Variants in EML6 observed in about 807,000 individuals in gnomAD.
The protein encoded by EML6 is echinoderm microtubule-associated protein-like 6.
In EML6, 154 loss-of-function variants were observed where a neutral mutation model predicts 240.1. That is an observed-to-expected ratio of 0.64 (90% CI 0.56 to 0.73). EML6 has a LOEUF of 0.73. Among genes scored for constraint, EML6 ranks in the 30% least tolerant of loss-of-function variants. EML6 has a pLI of 0.00. For missense variants in EML6, 2,964 were observed against 2,474.6 expected, an observed-to-expected ratio of 1.20 and a Z score of -4.20; for synonymous variants, 1,148 against 899.0, an observed-to-expected ratio of 1.28 and a Z score of -4.95.
At chr2:54,895,910 C>A (rs1277221831) in intron 21 of EML6, among the ~76,000 whole-genome samples, 3 of 152,124 alleles carry the variant, frequency 2.0e-5, no homozygotes, top group South Asian at 4.1e-4. Flanking sequence ...AAAATAGATA[C>A]TACAATTTTA....
chr2:54,780,646 T>G (rs981677518), intron 2 of EML6, among the ~76,000 whole-genome samples: 3 of 152,230 alleles, frequency 2.0e-5, no homozygotes, highest in African/African-American at 7.2e-5. Context: ...AATAATAATT[T>G]TGATTCCTTA....
At position 54,947,384 on chromosome 2, in the gene EML6, C is replaced by T. The variant is rs576092764; in HGVS notation, c.4005-1498C>T. 3.9e-3 allele frequency among the ~76,000 whole-genome samples: 592 copies of T among 152,214 alleles called. 5 individuals carry two copies. The highest frequency in any genetic ancestry group is 5.6e-3 in the Non-Finnish European group (383 of 67,998). On this transcript the variant is annotated intron_variant, in intron 28 of 41. Transcript: ENST00000356458. ...GTTTTGCAGAGATGTGCTGTCTACC[C>T]ATTCTTCAGTGGTGATTATAATACC...
rs1266500052 is a variant in EML6 at position 54,844,137 on chromosome 2, G to C, written c.938G>C (p.Arg313Pro). Reference protein sequence around the residue: ...SEIFEVIVRERDKPMLILQGH... With the variant: ...SEIFEVIVREPDKPMLILQGH... ...ATATTTGAAGTGATTGTGCGAGAGCGAGACAAGCCGATGTTGATCCTACAG... is the reference window on the plus strand; with the variant it reads ...ATATTTGAAGTGATTGTGCGAGAGCCAGACAAGCCGATGTTGATCCTACAG... The change falls in exon 8 of 42, where the codon CGA becomes CCA. Residue 313 changes from arginine to proline, a missense_variant. Transcript: ENST00000356458. 3 of 1,551,706 alleles carry C rather than the reference G, an allele frequency of 1.9e-6. No individual in the cohort carries two copies. The South Asian group carries it at 3.6e-5, about 18-fold the overall frequency.
chr2:54,841,524 G>A (rs558090604), intron 7 of EML6, among the ~76,000 whole-genome samples: 6 of 151,300 alleles, frequency 4.0e-5, no homozygotes, highest in South Asian at 2.1e-4. Context: ...TAGGATGTCC[G>A]CGTACCCCAA....
intron 26 of EML6, among the ~76,000 whole-genome samples, chr2:54,919,288 G>C (rs1674100903): frequency 7.2e-6 from 1 of 138,438 alleles, no homozygotes; most frequent in Admixed American, 7.7e-5. Flanking sequence ...TTTGTCTTTA[G>C]CATTCCAGAA....
chr2:54,848,526 C>CACACACACACACAG (rs1306694218), intron 9 of EML6, among the ~76,000 whole-genome samples: 1 of 142,338 alleles, frequency 7.0e-6, no homozygotes, highest in Non-Finnish European at 1.5e-5. Context: ...TTCCACACTA[C>CACACACACACACAG]ACACACACAC....
chr2:54,879,860 C>T (rs577492702), intron 17 of EML6: 63 of 545,924 alleles, frequency 1.2e-4, no homozygotes, highest in African/African-American at 8.9e-4. Flanking sequence ...CCGAAATCCT[C>T]TGCAGAGAGT....
chr2:54,828,201 T>G (rs545497224), intron 6 of EML6, among the ~76,000 whole-genome samples: 1 of 152,286 alleles, frequency 6.6e-6, no homozygotes, highest in Admixed American at 6.5e-5. Flanking sequence ...TAAGATAGAT[T>G]TTCCTCATTC....
intron 25 of EML6, among the ~76,000 whole-genome samples, chr2:54,915,352 C>G (rs373021490): frequency 6.6e-6 from 1 of 152,070 alleles, no homozygotes. Context: ...CTAGGAGAGT[C>G]TTAGAGATGG....
intron 2 of EML6, among the ~76,000 whole-genome samples, chr2:54,783,106 T>C (rs1370918686): frequency 6.6e-6 from 1 of 152,224 alleles, no homozygotes; most frequent in Non-Finnish European, 1.5e-5. Flanking sequence ...TTATAGTCGA[T>C]CAGTAAATAA....
chr2:54,753,383 A>T (rs1468269492), intron 2 of EML6, among the ~76,000 whole-genome samples: 1 of 152,234 alleles, frequency 6.6e-6, no homozygotes, highest in African/African-American at 2.4e-5. Context: ...CAATGTAATT[A>T]AGTTAAGGAT....
chr2:54,804,643 T>A (rs931801573), intron 2 of EML6, among the ~76,000 whole-genome samples: 1 of 152,242 alleles, frequency 6.6e-6, no homozygotes, highest in African/African-American at 2.4e-5. Flanking sequence ...AGGATCACTT[T>A]TGTTTTAATC....
At chr2:54,874,299 A>C (rs747342205) in intron 16 of EML6, among the ~76,000 whole-genome samples, 1 of 152,226 alleles carries the variant, frequency 6.6e-6, no homozygotes, top group African/African-American at 2.4e-5. Context: ...CCTTTTTCCC[A>C]TAAGGCAGCC....
At chr2:54,729,752 C>T (rs1039658711) in intron 2 of EML6, among the ~76,000 whole-genome samples, 1 of 152,206 alleles carries the variant, frequency 6.6e-6, no homozygotes, top group Non-Finnish European at 1.5e-5. Flanking sequence ...TTGTAACTTG[C>T]TTATCCTCTG....
chr2:54,890,766 T>G (rs1672423849), intron 17 of EML6, among the ~76,000 whole-genome samples: 1 of 152,208 alleles, frequency 6.6e-6, no homozygotes, highest in South Asian at 2.1e-4. Context: ...TGGCATTAAT[T>G]TTATCTTATG....
intron 2 of EML6, among the ~76,000 whole-genome samples, chr2:54,789,802 C>G (rs1669328918): frequency 6.6e-6 from 1 of 152,142 alleles, no homozygotes; most frequent in African/African-American, 2.4e-5. Flanking sequence ...GAATTTGAAT[C>G]CAGAGTTAAC....
intron 2 of EML6, among the ~76,000 whole-genome samples, chr2:54,731,065 G>A (rs973861450): frequency 1.6e-4 from 25 of 152,200 alleles, no homozygotes; most frequent in African/African-American, 6.0e-4. Flanking sequence ...TAGGGAGATG[G>A]CATTTAAGCA....
chr2:54,873,274 A>C (rs1671347893), intron 16 of EML6, among the ~76,000 whole-genome samples: 1 of 152,222 alleles, frequency 6.6e-6, no homozygotes, highest in African/African-American at 2.4e-5. Flanking sequence ...CATTATTAGA[A>C]GTTATTCAGT....
chr2:54,826,651 T>C (rs893452704), intron 5 of EML6, among the ~76,000 whole-genome samples: 5 of 152,284 alleles, frequency 3.3e-5, no homozygotes, highest in African/African-American at 1.2e-4. Flanking sequence ...TGTGTCTGTT[T>C]AACCATAGGA....
Sources: allele counts gnomAD v4.1 joint callset (sites outside exome capture counted in the v4.1 genomes callset), GRCh38; gene constraint gnomAD v4.1.1; transcripts MANE v1.5; gene names NCBI Gene and HGNC (gene_info 2026-07-23, HGNC 2026-07-21).